ST6GALNAC3: variants seen among roughly 807,000 people sequenced by gnomAD.
ST6GALNAC3 encodes ST6 N-acetylgalactosaminide alpha-2,6-sialyltransferase 3, also known as alpha-N-acetylgalactosaminide alpha-2,6-sialyltransferase 3.
A neutral mutation model predicts 32.7 loss-of-function variants in ST6GALNAC3; 25 were observed. That is an observed-to-expected ratio of 0.76 (90% confidence interval 0.56 to 1.07). The LOEUF is 1.07. ST6GALNAC3 is among the 50% of genes least tolerant of loss of function. ST6GALNAC3 has a pLI of 0.00. For missense variants in ST6GALNAC3, 355 were observed against 382.4 expected (o/e 0.93, Z 0.60); for synonymous variants, 129 against 133.1 (o/e 0.97, Z 0.21).
rs114111244 is a variant in ST6GALNAC3, at chr1:76,350,013, A to G, written c.213+36014A>G. On this transcript the variant is annotated intron_variant, in intron 2 of 4. Transcript: ENST00000328299. Reference sequence around the variant, plus strand: ...ATAGCTTGACTATAAAAGTTGAAAAATGGTATACAAGATTTATTTTATAAT... The same window carrying G: ...ATAGCTTGACTATAAAAGTTGAAAAGTGGTATACAAGATTTATTTTATAAT... 1.8e-3 allele frequency among the ~76,000 whole-genome samples: 267 copies of G among 152,310 alleles called. 2 individuals carry two copies. Among genetic ancestry groups the G allele is most frequent in the African/African-American group, 5.8e-3 (243 of 41,568 alleles).
At chr1:76,409,133 G>A (rs1395148779) in intron 2 of ST6GALNAC3, among the ~76,000 whole-genome samples, 1 of 152,108 alleles carries the variant, frequency 6.6e-6, no homozygotes, top group African/African-American at 2.4e-5. Context: ...TTTGGTCACT[G>A]GTGAAGTCTT....
At chr1:76,280,967 A>C (rs1215958079) in intron 1 of ST6GALNAC3, among the ~76,000 whole-genome samples, 1 of 152,228 alleles carries the variant, frequency 6.6e-6, no homozygotes, top group East Asian at 1.9e-4. Context: ...TATTATGCTC[A>C]CTTTATGCCA....
chr1:76,171,920 G>A (rs189501421), intron 1 of ST6GALNAC3, among the ~76,000 whole-genome samples: 119 of 151,256 alleles, frequency 7.9e-4, no homozygotes, highest in Admixed American at 7.2e-3. Flanking sequence ...AGAGGAACTA[G>A]TCCCATTCCT....
chr1:76,616,892 G>A (rs756603750), intron 3 of ST6GALNAC3, among the ~76,000 whole-genome samples: 22 of 152,298 alleles, frequency 1.4e-4, no homozygotes, highest in Admixed American at 4.6e-4. Context: ...GGAAGTGGCT[G>A]TAAAATTAGC....
At chr1:76,609,190 C>T (rs1002012991) in intron 3 of ST6GALNAC3, among the ~76,000 whole-genome samples, 3 of 152,118 alleles carry the variant, frequency 2.0e-5, no homozygotes, top group Non-Finnish European at 1.5e-5. Flanking sequence ...TATTTATAAA[C>T]AATTATTTCA....
chr1:76,487,865 C>A (rs200531534), intron 3 of ST6GALNAC3, among the ~76,000 whole-genome samples: 1 of 152,048 alleles, frequency 6.6e-6, no homozygotes, highest in East Asian at 1.9e-4. Context: ...GTTTTGTCTA[C>A]CTTGGTCTTT....
intron 2 of ST6GALNAC3, among the ~76,000 whole-genome samples, chr1:76,356,550 T>C (rs184885955): frequency 6.6e-6 from 1 of 151,864 alleles, no homozygotes; most frequent in African/African-American, 2.4e-5. Context: ...GTTAATGTTG[T>C]TATGAGGAAA....
chr1:76,365,832 T>G (rs1650322989), intron 2 of ST6GALNAC3, among the ~76,000 whole-genome samples: 1 of 152,224 alleles, frequency 6.6e-6, no homozygotes, highest in Non-Finnish European at 1.5e-5. Context: ...GTTTAACTCA[T>G]GGTTATAGTT....
chr1:76,302,730 G>T (rs545886479), intron 1 of ST6GALNAC3, among the ~76,000 whole-genome samples: 1 of 151,978 alleles, frequency 6.6e-6, no homozygotes, highest in Non-Finnish European at 1.5e-5. Flanking sequence ...GTAAGAAAAC[G>T]TATGCTGTGT....
chr1:76,545,718 G>T (rs913119178), intron 3 of ST6GALNAC3, among the ~76,000 whole-genome samples: 2 of 150,502 alleles, frequency 1.3e-5, no homozygotes, highest in Non-Finnish European at 1.5e-5. Context: ...GTGCAATGGC[G>T]CACTCTCAGC....
intron 3 of ST6GALNAC3, among the ~76,000 whole-genome samples, chr1:76,465,083 A>T (rs1476823647): frequency 6.6e-6 from 1 of 152,220 alleles, no homozygotes; most frequent in Non-Finnish European, 1.5e-5. Flanking sequence ...AGTAGAGGGC[A>T]TGGAATTTGA....
rs531070958 is a variant in ST6GALNAC3, at chr1:76,630,270, C to A, written c.*1464C>A. 1 of 985,102 alleles carries A rather than the reference C, an allele frequency of 1.0e-6. No homozygotes were observed. Among genetic ancestry groups the A allele is most frequent in the South Asian group, 4.7e-5 (1 of 21,282 alleles). The allele number at this position is 985,102 out of a possible 1,614,324, so 61.0% of individuals were successfully genotyped here. A position where few individuals can be genotyped will look rare whatever the true frequency, so the allele number is the denominator to read the frequency against. On this transcript the variant is annotated 3_prime_UTR_variant, in exon 5 of 5. Transcript: ENST00000328299. ...AAGTATCACAAAGGATGGTCTTGGC[C>A]ATATGCTAGGGCCCCTGTGAAAATA...
At chr1:76,441,088 C>CCAAAA (rs1656554834) in intron 3 of ST6GALNAC3, among the ~76,000 whole-genome samples, 1 of 90,264 alleles carries the variant, frequency 1.1e-5, no homozygotes, top group African/African-American at 3.5e-5. Context: ...ACTATGTCTC[C>CCAAAA]AAAAAAAAAA....
At chr1:76,549,129 T>C (rs1470771089) in intron 3 of ST6GALNAC3, among the ~76,000 whole-genome samples, 2 of 152,226 alleles carry the variant, frequency 1.3e-5, no homozygotes, top group African/African-American at 2.4e-5. Context: ...TAAAGAGATG[T>C]ATATATGAAA....
intron 1 of ST6GALNAC3, among the ~76,000 whole-genome samples, chr1:76,156,795 G>C (rs1014209560): frequency 6.6e-6 from 1 of 152,072 alleles, no homozygotes; most frequent in South Asian, 2.1e-4. Flanking sequence ...ACAGTGGCGC[G>C]ATCTTGGCTC....
chr1:76,362,112 G>C (rs950568208), intron 2 of ST6GALNAC3, among the ~76,000 whole-genome samples: 1 of 152,098 alleles, frequency 6.6e-6, no homozygotes, highest in African/African-American at 2.4e-5. Context: ...TTCTGAGAAG[G>C]CCCCAGGAAC....
At chr1:76,451,879 T>A (rs1657430401) in intron 3 of ST6GALNAC3, among the ~76,000 whole-genome samples, 1 of 152,236 alleles carries the variant, frequency 6.6e-6, no homozygotes, top group South Asian at 2.1e-4. Context: ...ACAGTTTGAC[T>A]TCCTCTTTGC....
At chr1:76,271,908 T>G (rs1273937779) in intron 1 of ST6GALNAC3, among the ~76,000 whole-genome samples, 1 of 152,128 alleles carries the variant, frequency 6.6e-6, no homozygotes, top group Non-Finnish European at 1.5e-5. Context: ...GACCTTTTAA[T>G]AAAGCTGAGA....
chr1:76,534,290 G>A (rs540322933), intron 3 of ST6GALNAC3, among the ~76,000 whole-genome samples: 27 of 152,082 alleles, frequency 1.8e-4, no homozygotes, highest in African/African-American at 5.8e-4. Context: ...TGATCCACCC[G>A]CCTCAACCTC....
Sources: allele counts gnomAD v4.1 joint callset (sites outside exome capture counted in the v4.1 genomes callset), GRCh38; gene constraint gnomAD v4.1.1; transcripts MANE v1.5; gene names NCBI Gene and HGNC (gene_info 2026-07-23, HGNC 2026-07-21).